SPIN1: variants seen among roughly 807,000 people sequenced by gnomAD.
The protein encoded by SPIN1 is spindlin-1.
A neutral mutation model predicts 26.0 loss-of-function variants in SPIN1; 3 were observed. The observed-to-expected ratio is 0.12, with a 90% CI of 0.05 to 0.30. SPIN1 has a LOEUF of 0.30. Among genes scored for constraint, SPIN1 ranks in the 10% least tolerant of loss-of-function variants. The pLI, the probability that SPIN1 is intolerant of heterozygous loss-of-function variation, is 1.00. For missense variants in SPIN1, 126 were observed against 333.4 expected (o/e 0.38, Z 4.84); for synonymous variants, 101 against 116.5 (o/e 0.87, Z 0.86).
intron 4 of SPIN1, among the ~76,000 whole-genome samples, chr9:88,467,126 A>G (rs1225833412): frequency 2.6e-5 from 4 of 152,144 alleles, no homozygotes; most frequent in Admixed American, 6.6e-5. Flanking sequence ...TGGACTGGAG[A>G]AGTCTTAAAA....
intron 2 of SPIN1, among the ~76,000 whole-genome samples, chr9:88,446,346 G>T (rs1414442573): frequency 6.6e-6 from 1 of 150,450 alleles, no homozygotes; most frequent in Non-Finnish European, 1.5e-5. Context: ...TCAATGTGTT[G>T]CAAGTGGAAG....
intron 1 of SPIN1, among the ~76,000 whole-genome samples, chr9:88,393,445 GTTTTTTTT>G (rs57244433): frequency 1.9e-4 from 17 of 88,436 alleles, no homozygotes; most frequent in South Asian, 4.3e-4. Flanking sequence ...TTGCTTTTGG[GTTTTTTTT>G]TTTTTTTTTT....
intron 2 of SPIN1, among the ~76,000 whole-genome samples, chr9:88,435,558 G>A (rs1827983136): frequency 6.6e-6 from 1 of 152,142 alleles, no homozygotes; most frequent in Non-Finnish European, 1.5e-5. Context: ...GGTTTTGTCT[G>A]TCTTGTGGGT....
chr9:88,425,215 A>G (rs996187383), intron 1 of SPIN1, among the ~76,000 whole-genome samples: 1 of 152,032 alleles, frequency 6.6e-6, no homozygotes, highest in Non-Finnish European at 1.5e-5. Flanking sequence ...GAGTTTAATG[A>G]GGGAAAAGAG....
intron 2 of SPIN1, among the ~76,000 whole-genome samples, chr9:88,441,071 A>G (rs1828114393): frequency 6.6e-6 from 1 of 151,826 alleles, no homozygotes; most frequent in Non-Finnish European, 1.5e-5. Context: ...TCATCCAAAC[A>G]CAGATTGAAA....
chr9:88,444,196 T>G (rs1828196301), intron 2 of SPIN1, among the ~76,000 whole-genome samples: 2 of 152,068 alleles, frequency 1.3e-5, no homozygotes, highest in African/African-American at 4.8e-5. Context: ...ATTTTTTAAT[T>G]TTCAGGAGCT....
At chr9:88,393,320 T>G (rs1385677461) in intron 1 of SPIN1, among the ~76,000 whole-genome samples, 2 of 151,826 alleles carry the variant, frequency 1.3e-5, no homozygotes, top group African/African-American at 4.8e-5. Flanking sequence ...TATTTCTTTG[T>G]AGTTGTTTAT....
At chr9:88,397,325 A>G (rs1227284525) in intron 1 of SPIN1, among the ~76,000 whole-genome samples, 1 of 152,028 alleles carries the variant, frequency 6.6e-6, no homozygotes, top group Non-Finnish European at 1.5e-5. Flanking sequence ...ATGACTAATT[A>G]CTTTTGGGCC....
rs1041519127 is a variant in SPIN1, at chr9:88,428,234, G to A, written c.52+1643G>A. Among the ~76,000 whole-genome samples the A allele has an allele frequency of 2.6e-5, 4 of 152,136 alleles. No individual in the cohort carries two copies. The East Asian group carries it at 7.7e-4, about 29-fold the overall frequency. Reference sequence around the variant, plus strand: ...GTACGTGTTCAGGTTTGTTACAAGGGTATATTGTATGGTGCTGAGGTTTGG... The same window carrying A: ...GTACGTGTTCAGGTTTGTTACAAGGATATATTGTATGGTGCTGAGGTTTGG... On this transcript the variant is annotated intron_variant, in intron 2 of 5. Transcript: ENST00000375859.
chr9:88,464,239 A>G (rs1301300209), intron 4 of SPIN1, among the ~76,000 whole-genome samples: 5 of 152,254 alleles, frequency 3.3e-5, no homozygotes, highest in Non-Finnish European at 5.9e-5. Flanking sequence ...TATTCGTGGT[A>G]TTAGGTTGGT....
chr9:88,411,256 A>G, intron 1 of SPIN1: 1 of 1,143,256 alleles, frequency 8.7e-7, no homozygotes, highest in Non-Finnish European at 1.3e-6. Flanking sequence ...TCATGGCTGC[A>G]TCCTCCACCT....
At chr9:88,472,516 T>TG (rs1409424658) in intron 5 of SPIN1, among the ~76,000 whole-genome samples, 2 of 151,996 alleles carry the variant, frequency 1.3e-5, no homozygotes, top group Non-Finnish European at 2.9e-5. Context: ...TTTTTTGAGA[T>TG]GGAGTCTTGC....
intron 2 of SPIN1, among the ~76,000 whole-genome samples, chr9:88,436,009 T>C (rs2118070170): frequency 6.6e-6 from 1 of 152,370 alleles, no homozygotes; most frequent in East Asian, 1.9e-4. Context: ...TACTGTCAGT[T>C]AATAATTTAC....
At chr9:88,475,016 A>G (rs1828862040) in intron 5 of SPIN1, 62 bp from the exon 6 acceptor site, 1 of 1,400,730 alleles carries the variant, frequency 7.1e-7, no homozygotes, top group South Asian at 1.6e-5. Flanking sequence ...ATTTATATCT[A>G]AAAATTGACT....
At chr9:88,405,171 C>T (rs1429377095) in intron 1 of SPIN1, among the ~76,000 whole-genome samples, 2 of 152,082 alleles carry the variant, frequency 1.3e-5, no homozygotes, top group Admixed American at 6.6e-5. Flanking sequence ...AATACATAAA[C>T]CAGTAACATA....
rs551822079 is a variant in SPIN1, at chr9:88,434,899, A to G, written c.52+8308A>G. ...AAACCTCACATCTACTGAAAATGCAAAAATTAGCTGGGCATGGTGGTGGGT... is the reference window on the plus strand; with the variant it reads ...AAACCTCACATCTACTGAAAATGCAGAAATTAGCTGGGCATGGTGGTGGGT... On this transcript the variant is annotated intron_variant, in intron 2 of 5. Transcript: ENST00000375859. 3.3e-5 allele frequency among the ~76,000 whole-genome samples: 5 copies of G among 152,142 alleles called. No homozygotes were observed. The East Asian group carries it at 5.8e-4, about 18-fold the overall frequency.
At chr9:88,441,419 GCGCGCGCGCCCA>G (rs1828124307) in intron 2 of SPIN1, among the ~76,000 whole-genome samples, 2 of 149,180 alleles carry the variant, frequency 1.3e-5, no homozygotes, top group Non-Finnish European at 3.0e-5. Flanking sequence ...GTGTGTGCGC[GCGCGCGCGCCCA>G]TGTGTGTGTA....
At chr9:88,405,473 C>T (rs1454437744) in intron 1 of SPIN1, among the ~76,000 whole-genome samples, 3 of 151,724 alleles carry the variant, frequency 2.0e-5, no homozygotes, top group Non-Finnish European at 4.4e-5. Flanking sequence ...GTGATCCGCC[C>T]ACCTCGCCCT....
intron 1 of SPIN1, among the ~76,000 whole-genome samples, chr9:88,417,085 T>A (rs1827581659): frequency 6.6e-6 from 1 of 152,240 alleles, no homozygotes; most frequent in Non-Finnish European, 1.5e-5. Context: ...TGACACTTGT[T>A]AAAGTAAGGT....
Sources: allele counts gnomAD v4.1 joint callset (sites outside exome capture counted in the v4.1 genomes callset), GRCh38; gene constraint gnomAD v4.1.1; transcripts MANE v1.5; gene names NCBI Gene and HGNC (gene_info 2026-07-23, HGNC 2026-07-21).